COL7A1: variants seen among roughly 807,000 people sequenced by gnomAD.
COL7A1 encodes the protein collagen alpha-1(VII) chain.
In COL7A1, 296 loss-of-function variants were observed where a neutral mutation model predicts 456.2. The ratio of observed to expected loss-of-function variants is 0.65; its 90% CI spans 0.59 to 0.71. The LOEUF is 0.71. COL7A1 is among the 30% of genes least tolerant of loss of function. The probability of loss-of-function intolerance (pLI) is 0.00; values close to 1 mark genes in which losing one functional copy is unlikely to be tolerated. For missense variants in COL7A1, 3,441 were observed against 4,017.2 expected (o/e 0.86, Z 3.88); for synonymous variants, 1,464 against 1,525.9 (o/e 0.96, Z 0.95).
Position 48,570,882 on chromosome 3 carries a change from C to G in COL7A1, c.7251G>C (p.Gln2417His), listed in dbSNP as rs1397247250. ...GQTGPRGEMG[Q>H]PGPSGERGLA... Reference sequence around the variant, plus strand: ...TCACCCGCTCTCCACTAGGGCCTGGCTGACCCATCTCTCCTCGAGGGCCTG... The same window carrying G: ...TCACCCGCTCTCCACTAGGGCCTGGGTGACCCATCTCTCCTCGAGGGCCTG... Residue 2417 changes from glutamine (Q) to histidine (H), a missense_variant, in exon 95 of 119, where the codon CAG (glutamine) becomes CAC (histidine). By Grantham distance (24) the Gln-to-His change is conservative. Transcript: ENST00000681320. This position sits in a 1 kb window ranked among gnomAD's most constrained non-coding sequence, Gnocchi z 5.5. 1 of 1,612,748 alleles carries G rather than the reference C, an allele frequency of 6.2e-7. No individual in the cohort carries two copies. The highest frequency in any genetic ancestry group is 1.3e-5 in the African/African-American group (1 of 74,914).
chr3:48,588,749 T>C lies in COL7A1; in HGVS notation c.2480A>G (p.Asp827Gly). Residue 827 changes from aspartate (D) to glycine (G), a missense_variant, in exon 20 of 119, where the codon GAC becomes GGC. Transcript: ENST00000681320. This position sits in a 1 kb window ranked among gnomAD's most constrained non-coding sequence, Gnocchi z 4.6. ...MRHQILPGNT[D>G]SAEIRGLEGG... ...TTCGAGACCCCGGATCTCTGCAGAG[T>C]CTGTGTTTCCTGGGAGTATCTGGTG... 2.5e-6 allele frequency: 4 copies of C among 1,613,686 alleles called. No homozygotes were observed. The highest frequency in any genetic ancestry group is 3.4e-6 in the Non-Finnish European group (4 of 1,180,000).
chr3:48,592,677 G>T lies in COL7A1; in HGVS notation c.869C>A (p.Thr290Asn), dbSNP rs1370365087. Residue 290 changes from threonine to asparagine, a missense_variant, in exon 8 of 119, where the codon ACC becomes AAC. Thr to Asn is a moderately conservative substitution (Grantham distance 65). This residue lies in a region of COL7A1 where 913 missense variants were observed against 1,088.2 expected (regional missense o/e 0.84). Coordinates refer to ENST00000681320, the MANE Select transcript of COL7A1 (RefSeq NM_000094.4). The surrounding 1 kb of genome is among the most constrained non-coding windows in gnomAD (Gnocchi z 7.6). ...RQEVNVPAGE[T>N]SVRLRGLRPL... ...CCGGAGACCCCGCAGCCGCACACTG[G>T]TCTCACCAGCTGGGACGTTCACCTG... is the stretch of plus-strand genomic sequence containing the variant. The T allele has an allele frequency of 4.3e-6, 7 of 1,613,588 alleles. No homozygotes were observed. Among genetic ancestry groups the T allele is most frequent in the Non-Finnish European group, 4.2e-6 (5 of 1,179,948 alleles).
rs768818662 is a variant in COL7A1, at chr3:48,566,533, C to T, written c.8335G>A (p.Glu2779Lys). The T allele has an allele frequency of 3.7e-6, 6 of 1,613,878 alleles. No homozygotes were observed. The highest frequency in any genetic ancestry group is 1.7e-5 in the Admixed American group (1 of 60,000). The change falls in exon 113 of 119, where the codon GAG (glutamate) becomes AAG (lysine). Residue 2779 changes from glutamate to lysine, a missense_variant. Physicochemically the swap from Glu to Lys is moderately conservative, Grantham distance 56. Coordinates refer to ENST00000681320, the MANE Select transcript of COL7A1 (RefSeq NM_000094.4). This position sits in a 1 kb window ranked among gnomAD's most constrained non-coding sequence, Gnocchi z 5.9. ...ACCGTCAGTGCAGCTTCTCCCTTCT[C>T]GCCTCGAGGACCGGCAGGCCCTGGC... is the stretch of plus-strand genomic sequence containing the variant. Reference protein sequence around the residue: ...GRPGPAGPRGEKGEAALTEDD... With the variant: ...GRPGPAGPRGKKGEAALTEDD...
chr3:48,579,556 T>A lies in COL7A1; in HGVS notation c.5235+32A>T. Reference sequence around the variant, plus strand: ...GAAGAAATCAGAGCAGGCCCTCCCATGCCTGCACCCCCGAGGACCAATCAC... The same window carrying A: ...GAAGAAATCAGAGCAGGCCCTCCCAAGCCTGCACCCCCGAGGACCAATCAC... On this transcript the variant is annotated intron_variant, in intron 59 of 118. Coordinates refer to ENST00000681320, the MANE Select transcript of COL7A1 (RefSeq NM_000094.4). The surrounding 1 kb of genome is among the most constrained non-coding windows in gnomAD (Gnocchi z 4.4). 6.2e-7 allele frequency: 1 copy of A among 1,613,796 alleles called. No homozygotes were observed.
Position 48,566,634 on chromosome 3 carries a change from ACCCAAGCCTTGGAAT to A in COL7A1, c.8304+11_8304+25del. ...ACAACAGAAGTCACCCCGATCTCTG[ACCCAAGCCTTGGAAT>A]CCCTACTCACCTGCTCCCCTCTCTC... On this transcript the variant is annotated intron_variant, in intron 112 of 118. Transcript: ENST00000681320. This position sits in a 1 kb window ranked among gnomAD's most constrained non-coding sequence, Gnocchi z 5.9. The A allele has an allele frequency of 3.1e-6, 5 of 1,614,032 alleles. No individual in the cohort carries two copies. Among genetic ancestry groups the A allele is most frequent in the Non-Finnish European group, 4.2e-6 (5 of 1,179,966 alleles).
At position 48,568,018 on chromosome 3, in the gene COL7A1, G is replaced by T; in HGVS notation, c.7875+72C>A. 6.2e-7 allele frequency: 1 copy of T among 1,603,642 alleles called. No individual in the cohort carries two copies. The highest frequency in any genetic ancestry group is 8.5e-7 in the Non-Finnish European group (1 of 1,170,638). ...CCTCTGACCCAGTGCCCTAATATCT[G>T]ACCCCAGGTCCCTCGCCCTTCAACA... On this transcript the variant is annotated intron_variant, in intron 106 of 118. Coordinates refer to ENST00000681320, the MANE Select transcript of COL7A1 (RefSeq NM_000094.4). This position sits in a 1 kb window ranked among gnomAD's most constrained non-coding sequence, Gnocchi z 5.2.
Position 48,567,751 on chromosome 3 carries a change from G to A in COL7A1, c.7942C>T (p.Pro2648Ser), listed in dbSNP as rs1486424703. The change falls in exon 108 of 119, where the codon CCC becomes TCC. Residue 2648 changes from proline to serine, a missense_variant. Pro to Ser is a moderately conservative substitution (Grantham distance 74). This residue lies in a region of COL7A1 where 2,084 missense variants were observed against 2,501.3 expected (regional missense o/e 0.83). Coordinates refer to ENST00000681320, the MANE Select transcript of COL7A1 (RefSeq NM_000094.4). The surrounding 1 kb of genome is among the most constrained non-coding windows in gnomAD (Gnocchi z 4.3). ...CCTGCCAGCCCGGGGCGGCCTGGGG[G>A]ACCAGCTTCTCCCTGCAGGCATCAG... ...GEKGDKGEAG[P>S]PGRPGLAGHK... is the part of the protein sequence containing the mutation. 6 of 1,614,130 alleles carry A rather than the reference G, an allele frequency of 3.7e-6. No homozygotes were observed. In the African/African-American group the frequency reaches 6.7e-5, roughly 18 times the overall value.
At position 48,568,748 on chromosome 3, in the gene COL7A1, A is replaced by G. The variant is rs1189458795; in HGVS notation, c.7758+36T>C. On this transcript the variant is annotated intron_variant, in intron 104 of 118. Transcript: ENST00000681320. The surrounding 1 kb of genome is among the most constrained non-coding windows in gnomAD (Gnocchi z 5.2). ...TGTGTGTGTGTGATGCTGGCTCTGG[A>G]CCTGGGCCTGGGCCTGGGCCTGGGG... 3 of 1,551,158 alleles carry G rather than the reference A, an allele frequency of 1.9e-6. No individual in the cohort carries two copies. Among genetic ancestry groups the G allele is most frequent in the Admixed American group, 3.9e-5 (2 of 51,474 alleles).
chr3:48,589,179 T>C, intron 18 of COL7A1, 148 bp downstream of exon 18: 2 of 1,446,622 alleles, frequency 1.4e-6, no homozygotes, highest in South Asian at 2.4e-5. Context: ...GAGGTCACCG[T>C]GGGTGGACAC....
chr3:48,587,524 C>T lies in COL7A1; in HGVS notation c.2888G>A (p.Arg963His), dbSNP rs776204399. 33 of 1,613,386 alleles carry T rather than the reference C, an allele frequency of 2.0e-5. No individual in the cohort carries two copies. In the Admixed American group the frequency reaches 5.0e-4, roughly 24 times the overall value. The change falls in exon 23 of 119, where the codon CGT (arginine) becomes CAT (histidine). Residue 963 changes from arginine to histidine, a missense_variant. Coordinates refer to ENST00000681320, the MANE Select transcript of COL7A1 (RefSeq NM_000094.4). This position sits in a 1 kb window ranked among gnomAD's most constrained non-coding sequence, Gnocchi z 6.1. ...ESPRVPSIEL[R>H]VVDTSIDSVT... ...CGAGTCGATCGAGGTGTCCACCACA[C>T]GTAGTTCAATGCTTGGAACACGAGG...
In COL7A1 at chr3:48,576,108, G is replaced by A. The variant is rs1335459153; in HGVS notation, c.5820+141C>T. On this transcript the variant is annotated intron_variant, in intron 71 of 118. Transcript: ENST00000681320. ...ACTGCCCAAGTTCCCTTGAGTGTGG[G>A]CTACAAGAACCCCAATGGGGCAGGG... 2.1e-5 allele frequency: 30 copies of A among 1,434,336 alleles called. No homozygotes were observed. In the East Asian group the frequency reaches 6.7e-4, roughly 32 times the overall value. 88.9% of individuals were successfully genotyped at this position (1,434,336 alleles called of 1,614,324 possible).
rs1286089698 is a variant in COL7A1 at position 48,573,683 on chromosome 3, C to G, written c.6573+7G>C. On this transcript the variant is annotated splice_region_variant and intron_variant, in intron 82 of 118. Coordinates refer to ENST00000681320, the MANE Select transcript of COL7A1 (RefSeq NM_000094.4). This position sits in a 1 kb window ranked among gnomAD's most constrained non-coding sequence, Gnocchi z 5.5. The stretch of plus-strand genomic sequence containing the variant: ...CCCTCACCAGGCAGTGTTCCCTGGT[C>G]ACTCACCGGGGCACCAGGTGGTCCA... 6.2e-7 allele frequency: 1 copy of G among 1,612,798 alleles called. No individual in the cohort carries two copies. The highest frequency in any genetic ancestry group is 8.5e-7 in the Non-Finnish European group (1 of 1,179,396).
chr3:48,594,933 G>A lies in COL7A1; in HGVS notation c.85+142C>T. 2.7e-6 allele frequency: 2 copies of A among 735,016 alleles called. No individual in the cohort carries two copies. Among genetic ancestry groups the A allele is most frequent in the East Asian group, 5.4e-5 (2 of 36,814 alleles). 45.5% of individuals were successfully genotyped at this position (735,016 alleles called of 1,614,324 possible). ...CAGCACCGATCGCGGAGGGTTCGGG[G>A]AGTCCCAGAATTAGGAGGAATCCGC... On this transcript the variant is annotated intron_variant, in intron 2 of 118. Transcript: ENST00000681320. The surrounding 1 kb of genome is among the most constrained non-coding windows in gnomAD (Gnocchi z 5.5).
chr3:48,581,584 G>T lies in COL7A1; in HGVS notation c.4771C>A (p.Pro1591Thr). 6.2e-7 allele frequency: 1 copy of T among 1,614,108 alleles called. No individual in the cohort carries two copies. Among genetic ancestry groups the T allele is most frequent in the Admixed American group, 1.7e-5 (1 of 60,004 alleles). Residue 1591 changes from proline (P) to threonine (T), a missense_variant, in exon 50 of 119, where the codon CCT becomes ACT. This residue lies in a region of COL7A1 where 2,084 missense variants were observed against 2,501.3 expected (regional missense o/e 0.83). Coordinates refer to ENST00000681320, the MANE Select transcript of COL7A1 (RefSeq NM_000094.4). This position sits in a 1 kb window ranked among gnomAD's most constrained non-coding sequence, Gnocchi z 5.8. Reference sequence around the variant, plus strand: ...CCACATTGATTCACCCGGTCTCCAGGGTCTCCCTTGGGGCCAGGGTCTCCA... The same window carrying T: ...CCACATTGATTCACCCGGTCTCCAGTGTCTCCCTTGGGGCCAGGGTCTCCA... ...LPGDPGPKGD[P>T]GDRGPIGLTG...
Position 48,594,291 on chromosome 3 carries a change from C to T in COL7A1, c.266+77G>A. On this transcript the variant is annotated intron_variant, in intron 3 of 118. Transcript: ENST00000681320. This position sits in a 1 kb window ranked among gnomAD's most constrained non-coding sequence, Gnocchi z 5.5. ...TCTGCAAAGACCTGGCCTGGGGTTT[C>T]CAGGGTCTCCTCCCTCTCTGGGGAA... is the stretch of plus-strand genomic sequence containing the variant. 2 of 1,560,860 alleles carry T rather than the reference C, an allele frequency of 1.3e-6. No homozygotes were observed. The highest frequency in any genetic ancestry group is 2.2e-5 in the East Asian group (1 of 44,708).
In COL7A1 at chr3:48,571,442, G is replaced by T; in HGVS notation, c.7069-164C>A. 1.2e-6 allele frequency: 1 copy of T among 829,658 alleles called. No individual in the cohort carries two copies. Among genetic ancestry groups the T allele is most frequent in the Non-Finnish European group, 2.0e-6 (1 of 488,432 alleles). 51.4% of individuals were successfully genotyped at this position (829,658 alleles called of 1,614,324 possible). On this transcript the variant is annotated intron_variant, in intron 92 of 118. Coordinates refer to ENST00000681320, the MANE Select transcript of COL7A1 (RefSeq NM_000094.4). This position sits in a 1 kb window ranked among gnomAD's most constrained non-coding sequence, Gnocchi z 4.6. ...TCACAGGAGCTCAGACATGACCATG[G>T]CCTATCTCAGGACAGCACAGACAGA...
rs780657566 is a variant in COL7A1 at position 48,580,533 on chromosome 3, T to C, written c.5052+48A>G. 6.9e-6 allele frequency: 11 copies of C among 1,596,094 alleles called. No individual in the cohort carries two copies. Among genetic ancestry groups the C allele is most frequent in the Non-Finnish European group, 9.4e-6 (11 of 1,165,328 alleles). ...GTAGGATCAGGTATTGGGAATTGGC[T>C]GGTTGGAGGGTTAAGGTTGGGGTGA... is the stretch of plus-strand genomic sequence containing the variant. On this transcript the variant is annotated intron_variant, in intron 55 of 118. Coordinates refer to ENST00000681320, the MANE Select transcript of COL7A1 (RefSeq NM_000094.4). The surrounding 1 kb of genome is among the most constrained non-coding windows in gnomAD (Gnocchi z 4.5).
In COL7A1 at chr3:48,575,843, AC is replaced by A; in HGVS notation, c.5856+23del. On this transcript the variant is annotated intron_variant, in intron 72 of 118. Coordinates refer to ENST00000681320, the MANE Select transcript of COL7A1 (RefSeq NM_000094.4). The surrounding 1 kb of genome is among the most constrained non-coding windows in gnomAD (Gnocchi z 6.3). ...GCCCCAAGGGCCCCCACTTGTCCCT[AC>A]CCCCAGCCCCTAAACAACCCACCTT... The A allele has an allele frequency of 1.2e-6, 2 of 1,613,616 alleles. No homozygotes were observed. Among genetic ancestry groups the A allele is most frequent in the Non-Finnish European group, 1.7e-6 (2 of 1,179,876 alleles).
Position 48,581,905 on chromosome 3 carries a change from G to A in COL7A1, c.4668+6C>T, listed in dbSNP as rs773478295. 6 of 1,614,016 alleles carry A rather than the reference G, an allele frequency of 3.7e-6. No homozygotes were observed. In the Admixed American group the frequency reaches 1.0e-4, roughly 27 times the overall value. On this transcript the variant is annotated splice_donor_region_variant and intron_variant, in intron 48 of 118. Coordinates refer to ENST00000681320, the MANE Select transcript of COL7A1 (RefSeq NM_000094.4). The surrounding 1 kb of genome is among the most constrained non-coding windows in gnomAD (Gnocchi z 5.8). ...GAAACCTCCCCTTGCCCCATACCAGGCTTACCTTTTCTCCTTTGGGTCCAG... is the reference window on the plus strand; with the variant it reads ...GAAACCTCCCCTTGCCCCATACCAGACTTACCTTTTCTCCTTTGGGTCCAG...
Sources: allele counts gnomAD v4.1 joint callset, GRCh38; gene constraint gnomAD v4.1.1; regional missense constraint gnomAD v4.1.1; non-coding constraint Gnocchi (gnomAD v3.1); transcripts MANE v1.5; gene names NCBI Gene and HGNC (gene_info 2026-07-23, HGNC 2026-07-21).